The following VPS52 variants were observed in gnomAD, a reference collection of about 807,000 sequenced individuals.
The protein encoded by VPS52 is vacuolar protein sorting-associated protein 52 homolog.
VPS52 carries 56 observed loss-of-function variants against 98.7 expected under a neutral mutation model. The ratio of observed to expected loss-of-function variants is 0.57; its 90% confidence interval spans 0.46 to 0.71. The LOEUF is 0.71. Ranked by LOEUF, VPS52 falls within the 30% of genes least tolerant of loss-of-function variation. The probability of loss-of-function intolerance (pLI) is 0.00; values close to 1 mark genes in which losing one functional copy is unlikely to be tolerated. For synonymous variants in VPS52, 348 were observed against 346.4 expected, an observed-to-expected ratio of 1.00 and a Z score of -0.05; for missense variants, 742 against 925.9, an observed-to-expected ratio of 0.80 and a Z score of 2.58.
In VPS52 at chr6:33,268,616, C is replaced by T. The variant is rs1287772592; in HGVS notation, c.582G>A (p.Arg194=). Residue 194 remains arginine (R), a synonymous_variant, in exon 7 of 20, where the codon AGG becomes AGA. Coordinates refer to ENST00000445902, the MANE Select transcript of VPS52 (RefSeq NM_022553.6). The surrounding 1 kb of genome is among the most constrained non-coding windows in gnomAD (Gnocchi z 4.0). ...AILEAPVTEP[R]FLEQLQELDA... is the part of the protein sequence containing the mutation. ...CCAGCTCCTGTAGCTGCTCCAAGAA[C>T]CTGGGCTCTGTCACTGGAGCCTCCA... 3.1e-6 allele frequency: 5 copies of T among 1,609,098 alleles called. No homozygotes were observed. Among genetic ancestry groups the T allele is most frequent in the Admixed American group, 3.3e-5 (2 of 59,930 alleles).
chr6:33,264,051 G>A lies in VPS52; in HGVS notation c.1577C>T (p.Thr526Ile). ...FSSALVSINQTIPNERTMQLL... is the reference protein window; with the variant it reads ...FSSALVSINQIIPNERTMQLL... ...TTGCATGGTCCGTTCATTAGGAATT[G>A]TCTGGTTGATACTGACAAGAGCGGA... is the stretch of plus-strand genomic sequence containing the variant. Residue 526 changes from threonine to isoleucine, a missense_variant, in exon 15 of 20, where the codon ACA becomes ATA. Transcript: ENST00000445902. The A allele has an allele frequency of 1.2e-6, 2 of 1,614,218 alleles. No homozygotes were observed. Among genetic ancestry groups the A allele is most frequent in the Non-Finnish European group, 1.7e-6 (2 of 1,180,042 alleles).
intron 1 of VPS52, 198 bp downstream of exon 1, chr6:33,271,388 T>C: frequency 1.3e-6 from 1 of 775,614 alleles, no homozygotes; most frequent in Non-Finnish European, 2.2e-6. Context: ...AGTTGAAATT[T>C]TGTGCCCCAG....
chr6:33,266,510 A>C (rs373411801), intron 12 of VPS52, 47 bp downstream of exon 12: 7 of 1,519,764 alleles, frequency 4.6e-6, no homozygotes, highest in Non-Finnish European at 8.9e-7. Context: ...CTGCTGATGA[A>C]GACTGGGGAC....
rs766019513 is a variant in VPS52, at chr6:33,263,528, T to G, written c.1750A>C (p.Lys584Gln). ...AGCTGCTGGAAGCTCTCAACCTCTT[T>G]GCTGTCATCTGCAGCCCGCTCCTAA... ...VLMERAADDS[K>Q]EVESFQQLLN... The change falls in exon 17 of 20, where the codon AAA (lysine) becomes CAA (glutamine). Residue 584 changes from lysine (K) to glutamine (Q), a missense_variant. Physicochemically the swap from Lys to Gln is moderately conservative, Grantham distance 53 (BLOSUM62 1). Coordinates refer to ENST00000445902, the MANE Select transcript of VPS52 (RefSeq NM_022553.6). The G allele has an allele frequency of 6.2e-7, 1 of 1,614,080 alleles. No homozygotes were observed. The highest frequency in any genetic ancestry group is 2.2e-5 in the East Asian group (1 of 44,878).
intron 17 of VPS52, among the ~76,000 whole-genome samples, chr6:33,257,199 TA>T (rs779804835): frequency 7.4e-4 from 112 of 152,088 alleles, no homozygotes; most frequent in Middle Eastern, 3.4e-3. Context: ...TTGGCTAATA[TA>T]TTTTTTTAAT....
intron 17 of VPS52, among the ~76,000 whole-genome samples, chr6:33,261,466 G>GA (rs879444667): frequency 1.3e-3 from 175 of 133,122 alleles, no homozygotes; most frequent in Middle Eastern, 3.8e-3. Flanking sequence ...GACTCCGTCT[G>GA]AAAAAAAAAA....
chr6:33,269,657 G>T, intron 4 of VPS52, 87 bp downstream of exon 4: 1 of 1,569,576 alleles, frequency 6.4e-7, no homozygotes, highest in Non-Finnish European at 8.7e-7. Flanking sequence ...AAACCTCAGA[G>T]ATGTTGACCC....
intron 17 of VPS52, among the ~76,000 whole-genome samples, chr6:33,261,325 G>A (rs1003598041): frequency 3.3e-5 from 5 of 151,886 alleles, no homozygotes; most frequent in African/African-American, 7.3e-5. Context: ...AAACTAGCCC[G>A]GCGTGGTGGC....
rs1763938370 is a variant in VPS52, at chr6:33,263,686, C to T, written c.1728+86G>A. ...AGAGTAAAACACTGAACAAGACAGGCATCATCTCTGCCCTCACAGAGCTAA... is the reference window on the plus strand; with the variant it reads ...AGAGTAAAACACTGAACAAGACAGGTATCATCTCTGCCCTCACAGAGCTAA... On this transcript the variant is annotated intron_variant, in intron 16 of 19. Transcript: ENST00000445902. 6 of 1,582,752 alleles carry T rather than the reference C, an allele frequency of 3.8e-6. No homozygotes were observed. In the South Asian group the frequency reaches 5.5e-5, roughly 15 times the overall value.
rs1764843669 is a variant in VPS52, at chr6:33,270,275, A to C, written c.99T>G (p.Gly33=). The change falls in exon 2 of 20, where the codon GGT becomes GGG. Residue 33 remains glycine (G), a synonymous_variant. Coordinates refer to ENST00000445902, the MANE Select transcript of VPS52 (RefSeq NM_022553.6). The part of the protein sequence containing the change: ...MEEEEGPLAG[G]PGLQEPLQLG... The stretch of plus-strand genomic sequence containing the variant: ...GTTGCAGTGGTTCCTGGAGCCCAGG[A>C]CCACCCGCCTGGAAAGGGATAAGTT... The C allele has an allele frequency of 6.2e-7, 1 of 1,611,616 alleles. No homozygotes were observed. Among genetic ancestry groups the C allele is most frequent in the African/African-American group, 1.3e-5 (1 of 74,994 alleles).
Position 33,268,408 on chromosome 6 carries a change from G to A in VPS52, c.699+91C>T. On this transcript the variant is annotated intron_variant, in intron 7 of 19. Coordinates refer to ENST00000445902, the MANE Select transcript of VPS52 (RefSeq NM_022553.6). This position sits in a 1 kb window ranked among gnomAD's most constrained non-coding sequence, Gnocchi z 4.0. ...GGCAGGGTGAAGTCCCTGGAGACAGGCTACAGTGAGCTCTGCCAAGGAAAT... is the reference window on the plus strand; with the variant it reads ...GGCAGGGTGAAGTCCCTGGAGACAGACTACAGTGAGCTCTGCCAAGGAAAT... The A allele has an allele frequency of 6.7e-7, 1 of 1,487,878 alleles. No homozygotes were observed. The allele number at this position is 1,487,878 out of a possible 1,614,324, so 92.2% of individuals were successfully genotyped here.
rs1765050098 is a variant in VPS52, at chr6:33,271,400, A to G, written c.90+186T>C. 4 of 834,688 alleles carry G rather than the reference A, an allele frequency of 4.8e-6. No individual in the cohort carries two copies. In the South Asian group the frequency reaches 5.7e-5, roughly 12 times the overall value. 51.7% of individuals were successfully genotyped at this position (834,688 alleles called of 1,614,324 possible). The stretch of plus-strand genomic sequence containing the variant: ...TGAAGTTGAAATTTTGTGCCCCAGA[A>G]CATGAGTTTCAGCCACTAGGGTCCC... On this transcript the variant is annotated intron_variant, in intron 1 of 19. Transcript: ENST00000445902.
chr6:33,265,205 T>C (rs1764155882), intron 12 of VPS52, among the ~76,000 whole-genome samples: 1 of 151,988 alleles, frequency 6.6e-6, no homozygotes, highest in Non-Finnish European at 1.5e-5. Context: ...GCCTCCTGAG[T>C]AGCTGGAATT....
chr6:33,251,577 G>A lies in VPS52; in HGVS notation c.1966C>T (p.Leu656=). Residue 656 remains leucine, a synonymous_variant, in exon 19 of 20, where the codon CTG becomes TTG. Coordinates refer to ENST00000445902, the MANE Select transcript of VPS52 (RefSeq NM_022553.6). ...AAACTCCGCATTACATCCTGACTCA[G>A]AGATTCCACTGATGATTTCCAGGAA... ...GSSWKSSVES[L]SQDVMRSFTN... 6.2e-7 allele frequency: 1 copy of A among 1,614,080 alleles called. No homozygotes were observed. Among genetic ancestry groups the A allele is most frequent in the East Asian group, 2.2e-5 (1 of 44,878 alleles).
At position 33,271,730 on chromosome 6, in the gene VPS52, G is replaced by A; in HGVS notation, c.-55C>T. 2 of 1,554,436 alleles carry A rather than the reference G, an allele frequency of 1.3e-6. No individual in the cohort carries two copies. Among genetic ancestry groups the A allele is most frequent in the Non-Finnish European group, 1.7e-6 (2 of 1,148,536 alleles). On this transcript the variant is annotated 5_prime_UTR_variant, in exon 1 of 20. Transcript: ENST00000445902. ...AGTCCCGGCGAGTCCGTTCCCCGGA[G>A]TGGAGCTACAAGTCCCAAAGGGTCT...
chr6:33,253,579 A>C (rs1762576774), intron 17 of VPS52, among the ~76,000 whole-genome samples: 3 of 151,884 alleles, frequency 2.0e-5, no homozygotes, highest in Admixed American at 6.6e-5. Flanking sequence ...TAAGTGTGAT[A>C]ATGTATTGTA....
intron 1 of VPS52, chr6:33,271,222 T>A (rs1765019956): frequency 6.7e-6 from 4 of 600,708 alleles, no homozygotes; most frequent in South Asian, 2.0e-5. Flanking sequence ...ACCTTAAAGG[T>A]GTGAGAAATG....
At position 33,264,837 on chromosome 6, in the gene VPS52, T is replaced by C. The variant is rs531203157; in HGVS notation, c.1345A>G (p.Ile449Val). 1.7e-4 allele frequency: 278 copies of C among 1,612,992 alleles called. No individual in the cohort carries two copies. In the East Asian group the frequency reaches 3.7e-3, roughly 21 times the overall value. The change falls in exon 13 of 20, where the codon ATT (isoleucine) becomes GTT (valine). Residue 449 changes from isoleucine (I) to valine (V), a missense_variant. Transcript: ENST00000445902. The part of the protein sequence containing the change: ...DAIAVFLCIH[I>V]VLRFRNIAAK... The stretch of plus-strand genomic sequence containing the variant: ...GCAATGTTACGGAACCGGAGAACAA[T>C]GTGGATACAGAGAAAAACAGCAATG...
At position 33,267,961 on chromosome 6, in the gene VPS52, T is replaced by G. The variant is rs1764539688; in HGVS notation, c.837A>C (p.Ala279=). The G allele has an allele frequency of 1.2e-6, 2 of 1,612,952 alleles. No individual in the cohort carries two copies. The highest frequency in any genetic ancestry group is 1.3e-5 in the African/African-American group (1 of 74,920). The change falls in exon 9 of 20, where the codon GCA becomes GCC. Residue 279 remains alanine (A), a synonymous_variant. Coordinates refer to ENST00000445902, the MANE Select transcript of VPS52 (RefSeq NM_022553.6). This position sits in a 1 kb window ranked among gnomAD's most constrained non-coding sequence, Gnocchi z 4.2. ...FYQFLLGNER[A]TAKEIRDEYV... is the part of the protein sequence containing the mutation. ...ATTCATCCCTGATCTCCTTTGCTGT[T>G]GCTCGTTCATTGCCCAGCAGAAACT...
Sources: allele counts gnomAD v4.1 joint callset (sites outside exome capture counted in the v4.1 genomes callset), GRCh38; gene constraint gnomAD v4.1.1; non-coding constraint Gnocchi (gnomAD v3.1); transcripts MANE v1.5; gene names NCBI Gene and HGNC (gene_info 2026-07-23, HGNC 2026-07-21).